Variants in RORB observed in about 807,000 individuals in gnomAD.
The protein encoded by RORB is nuclear receptor ROR-beta.
In RORB, 6 loss-of-function variants were observed where a neutral mutation model predicts 59.1. That is an observed-to-expected ratio of 0.10 (90% CI 0.06 to 0.20). The LOEUF is 0.20. Among genes scored for constraint, RORB ranks in the 10% least tolerant of loss-of-function variants. The pLI is 1.00. For missense variants in RORB, 320 were observed against 560.5 expected, an observed-to-expected ratio of 0.57 and a Z score of 4.33; for synonymous variants, 215 against 204.5, an observed-to-expected ratio of 1.05 and a Z score of -0.44.
At position 74,588,706 on chromosome 9, in the gene RORB, G is replaced by A. The variant is rs571652254; in HGVS notation, c.8-41576G>A. Among the ~76,000 whole-genome samples the A allele has an allele frequency of 2.6e-5, 4 of 152,300 alleles. 1 individual carries two copies. The South Asian group carries it at 8.3e-4, about 32-fold the overall frequency. ...TTTTGGGCCATTAGTACATGAAATAGTATATTCATTACATAAGTACTGGAG... is the reference window on the plus strand; with the variant it reads ...TTTTGGGCCATTAGTACATGAAATAATATATTCATTACATAAGTACTGGAG... On this transcript the variant is annotated intron_variant, in intron 1 of 9. Transcript: ENST00000376896.
In RORB at chr9:74,564,724, G is replaced by A. The variant is rs141875455; in HGVS notation, c.8-65558G>A. 2.4e-3 allele frequency among the ~76,000 whole-genome samples: 361 copies of A among 152,220 alleles called. 1 individual carries two copies. The highest frequency in any genetic ancestry group is 4.1e-3 in the Non-Finnish European group (281 of 68,004). On this transcript the variant is annotated intron_variant, in intron 1 of 9. Transcript: ENST00000376896. ...TTAAGTCTCCTTTTTAAAAAATATAGCATTCACTAGGATTCAAAAAAACTT... is the reference window on the plus strand; with the variant it reads ...TTAAGTCTCCTTTTTAAAAAATATAACATTCACTAGGATTCAAAAAAACTT...
In RORB at chr9:74,690,807, G is replaced by A. The variant is rs1824728862; in HGVS notation, c.*5189G>A. The A allele has an allele frequency of 6.6e-6, 1 of 152,142 alleles. No homozygotes were observed. Among genetic ancestry groups the A allele is most frequent in the South Asian group, 2.1e-4 (1 of 4,828 alleles). The allele number at this position is 152,142 out of a possible 1,614,324, so 9.4% of individuals were successfully genotyped here. A position where few individuals can be genotyped will look rare whatever the true frequency, so the allele number is the denominator to read the frequency against. On this transcript the variant is annotated 3_prime_UTR_variant, in exon 10 of 10. Transcript: ENST00000376896. Reference sequence around the variant, plus strand: ...CTAAAAATGAAAACTATTCAATTTAGTGATGGCTTATAAAAGACACTCCAA... The same window carrying A: ...CTAAAAATGAAAACTATTCAATTTAATGATGGCTTATAAAAGACACTCCAA...
intron 1 of RORB, among the ~76,000 whole-genome samples, chr9:74,582,697 G>C (rs571906091): frequency 2.0e-5 from 3 of 152,260 alleles, no homozygotes; most frequent in African/African-American, 7.2e-5. Flanking sequence ...CCTCTGGACA[G>C]AGCAGGTACT....
chr9:74,630,479 C>A, intron 2 of RORB, 112 bp downstream of exon 2: 1 of 572,202 alleles, frequency 1.7e-6, no homozygotes, highest in Non-Finnish European at 2.9e-6. Context: ...CTTCTGCCTG[C>A]TGCTGACATT....
chr9:74,632,348 GA>G, intron 2 of RORB, among the ~76,000 whole-genome samples: 1 of 152,018 alleles, frequency 6.6e-6, no homozygotes. Flanking sequence ...TAAATTCATG[GA>G]AAAAACCCAC....
intron 1 of RORB, among the ~76,000 whole-genome samples, chr9:74,563,138 C>T (rs1034008949): frequency 5.9e-5 from 9 of 151,780 alleles, no homozygotes; most frequent in Non-Finnish European, 1.2e-4. Context: ...TTAACTGGAG[C>T]CCGATCCAGG....
chr9:74,641,875 C>G (rs899954469), intron 3 of RORB, among the ~76,000 whole-genome samples: 2 of 152,038 alleles, frequency 1.3e-5, no homozygotes, highest in South Asian at 4.2e-4. Context: ...CCACTGCACT[C>G]CAGCCTGGGT....
chr9:74,623,546 AG>A (rs1300841773), intron 1 of RORB, among the ~76,000 whole-genome samples: 1 of 152,102 alleles, frequency 6.6e-6, no homozygotes, highest in Non-Finnish European at 1.5e-5. Context: ...TCCAGAATCC[AG>A]GGAAATTTAA....
At chr9:74,583,539 G>A (rs1822755559) in intron 1 of RORB, among the ~76,000 whole-genome samples, 1 of 151,748 alleles carries the variant, frequency 6.6e-6, no homozygotes, top group Non-Finnish European at 1.5e-5. Context: ...CCCAAATTAG[G>A]TTACTAATTC....
chr9:74,612,113 G>T (rs1218057180), intron 1 of RORB, among the ~76,000 whole-genome samples: 1 of 152,188 alleles, frequency 6.6e-6, no homozygotes, highest in African/African-American at 2.4e-5. Context: ...GGATCCCAGG[G>T]TAAGCAGAAA....
At chr9:74,644,507 A>G (rs1484072360) in intron 4 of RORB, among the ~76,000 whole-genome samples, 1 of 152,156 alleles carries the variant, frequency 6.6e-6, no homozygotes, top group Non-Finnish European at 1.5e-5. Flanking sequence ...TTACTAAATG[A>G]CAGAGCCAGG....
At chr9:74,532,358 C>T (rs150600927) in intron 1 of RORB, among the ~76,000 whole-genome samples, 1 of 151,972 alleles carries the variant, frequency 6.6e-6, no homozygotes, top group East Asian at 2.0e-4. Flanking sequence ...AGTTTCCCTT[C>T]CCACTCTCCT....
chr9:74,664,426 A>G (rs1485103159), intron 6 of RORB, among the ~76,000 whole-genome samples: 1 of 152,068 alleles, frequency 6.6e-6, no homozygotes, highest in Non-Finnish European at 1.5e-5. Context: ...AAGGTAGGGT[A>G]CTTAATATTT....
chr9:74,655,119 C>G (rs1824059222), intron 4 of RORB, among the ~76,000 whole-genome samples: 1 of 152,154 alleles, frequency 6.6e-6, no homozygotes, highest in Non-Finnish European at 1.5e-5. Flanking sequence ...CAAAGCAGCC[C>G]ACATACTCTT....
intron 1 of RORB, among the ~76,000 whole-genome samples, chr9:74,590,810 G>T (rs1043014934): frequency 6.6e-6 from 1 of 151,472 alleles, no homozygotes; most frequent in Admixed American, 6.6e-5. Flanking sequence ...TTTTGTTTTT[G>T]AGACAGAGTC....
chr9:74,660,639 T>G lies in RORB; in HGVS notation c.660T>G (p.Ile220Met). Residue 220 changes from isoleucine (I) to methionine (M), a missense_variant, in exon 5 of 10, where the codon ATT (isoleucine) becomes ATG (methionine). Transcript: ENST00000376896. ...CAGACCGAATTGCACAGAACATCATTAAGTCCCATTTGGAGACATGTCAAT... is the reference window on the plus strand; with the variant it reads ...CAGACCGAATTGCACAGAACATCATGAAGTCCCATTTGGAGACATGTCAAT... ...TEIDRIAQNI[I>M]KSHLETCQYT... 1 of 1,613,364 alleles carries G rather than the reference T, an allele frequency of 6.2e-7. No individual in the cohort carries two copies. The highest frequency in any genetic ancestry group is 8.5e-7 in the Non-Finnish European group (1 of 1,179,776).
intron 1 of RORB, among the ~76,000 whole-genome samples, chr9:74,586,826 T>G (rs60725708): frequency 6.6e-6 from 1 of 151,974 alleles, no homozygotes; most frequent in Admixed American, 6.6e-5. Flanking sequence ...TCAATGAGAT[T>G]GAAGAAAGTT....
chr9:74,541,698 C>T (rs979368742), intron 1 of RORB, among the ~76,000 whole-genome samples: 1 of 152,124 alleles, frequency 6.6e-6, no homozygotes, highest in East Asian at 1.9e-4. Context: ...AATAAGCTTC[C>T]CTTTAATAAA....
chr9:74,686,415 G>A lies in RORB; in HGVS notation c.*797G>A, dbSNP rs1247155078. ...TGTCAAGATGGTTCATATTGGGAAG[G>A]AGACAGTATTTTAAGCCATTTTCCT... On this transcript the variant is annotated 3_prime_UTR_variant, in exon 10 of 10. Coordinates refer to ENST00000376896, the MANE Select transcript of RORB (RefSeq NM_006914.4). The A allele has an allele frequency of 6.6e-6, 1 of 152,446 alleles. No individual in the cohort carries two copies. Among genetic ancestry groups the A allele is most frequent in the Non-Finnish European group, 1.5e-5 (1 of 68,030 alleles). The allele number at this position is 152,446 out of a possible 1,614,324, so 9.4% of individuals were successfully genotyped here. A position where few individuals can be genotyped will look rare whatever the true frequency, so the allele number is the denominator to read the frequency against.
Sources: gnomAD v4.1 joint callset for allele counts (sites outside exome capture counted in the v4.1 genomes callset) on GRCh38, gnomAD v4.1.1 for gene constraint, MANE v1.5 for transcripts, NCBI Gene and HGNC (gene_info 2026-07-23, HGNC 2026-07-21) for gene names.